MESD: variants seen among roughly 807,000 people sequenced by gnomAD.
The protein encoded by MESD is LRP chaperone MESD.
Under a neutral mutation model 12.9 loss-of-function variants are expected in MESD, and 7 were observed. That is an observed-to-expected ratio of 0.54 (90% CI 0.31 to 1.02). The LOEUF (loss-of-function observed/expected upper bound fraction) is 1.02. Ranked by LOEUF, MESD falls within the 50% of genes least tolerant of loss-of-function variation. MESD has a pLI of 0.05. For synonymous variants in MESD, 126 were observed against 115.6 expected, an observed-to-expected ratio of 1.09 and a Z score of -0.58; for missense variants, 342 against 296.7, an observed-to-expected ratio of 1.15 and a Z score of -1.12.
intron 3 of MESD, among the ~76,000 whole-genome samples, chr15:80,964,605 T>G (rs984502825): frequency 6.6e-5 from 10 of 152,210 alleles, no homozygotes; most frequent in Non-Finnish European, 1.5e-4. Flanking sequence ...ATGGCACTGT[T>G]GCCAAAACAG....
rs972550672 is a variant in MESD, at chr15:80,975,919, G to T, written c.*3300C>A. On this transcript the variant is annotated 3_prime_UTR_variant, in exon 3 of 3. Coordinates refer to ENST00000261758, the MANE Select transcript of MESD (RefSeq NM_015154.3). ...GTAGGTAGAGACTTCAGTGAGCCGTGATCCTACTGCACTCTAGTGAGGGCA... is the reference window on the plus strand; with the variant it reads ...GTAGGTAGAGACTTCAGTGAGCCGTTATCCTACTGCACTCTAGTGAGGGCA... 1 of 152,162 alleles carries T rather than the reference G, an allele frequency of 6.6e-6. No homozygotes were observed. The highest frequency in any genetic ancestry group is 6.5e-5 in the Admixed American group (1 of 15,282). 9.4% of individuals were successfully genotyped at this position (152,162 alleles called of 1,614,324 possible).
chr15:80,987,912 C>T (rs1337408053), intron 1 of MESD, among the ~76,000 whole-genome samples: 1 of 152,170 alleles, frequency 6.6e-6, no homozygotes, highest in East Asian at 1.9e-4. Context: ...ACTGCAAAGG[C>T]CAAGAGTTCA....
rs948290274 is a variant in MESD at position 80,979,153 on chromosome 15, C to A, written c.*66G>T. 5.2e-5 allele frequency: 81 copies of A among 1,559,444 alleles called. No individual in the cohort carries two copies. The highest frequency in any genetic ancestry group is 6.6e-5 in the Non-Finnish European group (76 of 1,154,058). The stretch of plus-strand genomic sequence containing the variant: ...TGCAGTTGCCTGAGACCACTCCCAC[C>A]CCAGGAGCTGGGCAAAGAGCTCTCC... On this transcript the variant is annotated 3_prime_UTR_variant, in exon 3 of 3. Coordinates refer to ENST00000261758, the MANE Select transcript of MESD (RefSeq NM_015154.3).
At chr15:80,985,432 T>A (rs141087828) in intron 1 of MESD, among the ~76,000 whole-genome samples, 32 of 152,242 alleles carry the variant, frequency 2.1e-4, no homozygotes, top group Admixed American at 7.8e-4. Context: ...AATCACTGCA[T>A]GGAAATTATA....
Position 80,989,594 on chromosome 15 carries a change from A to G in MESD, c.198T>C (p.Leu66=), listed in dbSNP as rs1893241966. 6.2e-7 allele frequency: 1 copy of G among 1,613,400 alleles called. No individual in the cohort carries two copies. Among genetic ancestry groups the G allele is most frequent in the Non-Finnish European group, 8.5e-7 (1 of 1,179,680 alleles). Residue 66 remains leucine (L), a synonymous_variant, in exon 1 of 3, where the codon CTT becomes CTC. Coordinates refer to ENST00000261758, the MANE Select transcript of MESD (RefSeq NM_015154.3). ...CGCCGCGGACCTCCCATTGCTCCAG[A>G]AGACGCGCCATGTCTGCATCATTGT... The part of the protein sequence containing the change: ...RDYNDADMAR[L]LEQWEKDDDI...
At chr15:80,955,766 C>T (rs1567118671) in intron 3 of MESD, among the ~76,000 whole-genome samples, 1 of 151,432 alleles carries the variant, frequency 6.6e-6, no homozygotes, top group Non-Finnish European at 1.5e-5. Context: ...GATTACAGGC[C>T]TGAGCCACCA....
chr15:80,970,442 T>G (rs903482858), intron 3 of MESD: 1 of 152,204 alleles, frequency 6.6e-6, no homozygotes, highest in Non-Finnish European at 1.5e-5. Flanking sequence ...GCAAATCCCC[T>G]TCCCTCTGGG....
chr15:80,952,622 G>A (rs1319728145), intron 3 of MESD, among the ~76,000 whole-genome samples: 1 of 151,922 alleles, frequency 6.6e-6, no homozygotes, highest in Non-Finnish European at 1.5e-5. Context: ...TGTCTCGTGT[G>A]TGTGTGTGTG....
At chr15:80,958,956 T>G (rs1375743489) in intron 3 of MESD, among the ~76,000 whole-genome samples, 2 of 152,186 alleles carry the variant, frequency 1.3e-5, no homozygotes, top group Non-Finnish European at 2.9e-5. Context: ...GGAGAGTCAT[T>G]GAAGGGGAGA....
chr15:80,973,521 A>G (rs1012165964), downstream of MESD, among the ~76,000 whole-genome samples: 7 of 152,174 alleles, frequency 4.6e-5, no homozygotes, highest in African/African-American at 1.7e-4. Context: ...TCTTGGCAAC[A>G]GAGGCCCTGT....
rs114334001 is a variant in MESD at position 80,955,008 on chromosome 15, C to A, written c.*289-2712G>T. On this transcript the variant is annotated intron_variant, in intron 3 of 4. Transcript: ENST00000561312. ...CATGGGCCAATGGCATCAGCATCAT[C>A]AGCATCAGCTGGGGGAGGTGGTTCA... Among the ~76,000 whole-genome samples, 1,113 of 152,194 alleles carry A rather than the reference C, an allele frequency of 7.3e-3. 15 individuals carry two copies. Among genetic ancestry groups the A allele is most frequent in the African/African-American group, 0.026 (1,065 of 41,514 alleles).
chr15:80,966,512 C>T (rs1209062510), intron 3 of MESD, among the ~76,000 whole-genome samples: 3 of 152,182 alleles, frequency 2.0e-5, no homozygotes, highest in Admixed American at 6.5e-5. Flanking sequence ...GAGAGCTCAA[C>T]GGGCCCAGTG....
chr15:80,973,710 G>A (rs761981848), downstream of MESD, among the ~76,000 whole-genome samples: 1 of 151,898 alleles, frequency 6.6e-6, no homozygotes, highest in Non-Finnish European at 1.5e-5. Context: ...TCACCCCCTC[G>A]ACAGATCCTG....
intron 3 of MESD, among the ~76,000 whole-genome samples, chr15:80,969,502 CT>C (rs1902241676): frequency 6.6e-6 from 1 of 152,020 alleles, no homozygotes; most frequent in African/African-American, 2.4e-5. Flanking sequence ...AGCAGCCCCT[CT>C]CCCAAGCAGA....
intron 3 of MESD, among the ~76,000 whole-genome samples, chr15:80,963,031 A>T (rs1188992545): frequency 6.6e-6 from 1 of 152,238 alleles, no homozygotes; most frequent in African/African-American, 2.4e-5. Flanking sequence ...CTTCAAAAAA[A>T]TCAGTGAATC....
At chr15:80,964,061 T>C (rs1484109992) in intron 3 of MESD, among the ~76,000 whole-genome samples, 2 of 152,206 alleles carry the variant, frequency 1.3e-5, no homozygotes, top group African/African-American at 2.4e-5. Context: ...GATGACATGA[T>C]TGTATATCTA....
At chr15:80,967,527 A>T (rs150661833) in intron 3 of MESD, among the ~76,000 whole-genome samples, 4 of 152,288 alleles carry the variant, frequency 2.6e-5, no homozygotes, top group Non-Finnish European at 4.4e-5. Context: ...GCCCAGGGAA[A>T]GCAAGTATGG....
chr15:80,982,878 C>T (rs951638555), intron 1 of MESD, among the ~76,000 whole-genome samples: 2 of 151,880 alleles, frequency 1.3e-5, no homozygotes, highest in East Asian at 1.9e-4. Context: ...GCCAGGAGTT[C>T]GACATCAGCC....
At chr15:80,968,359 G>A (rs1247400344) in intron 3 of MESD, among the ~76,000 whole-genome samples, 1 of 152,230 alleles carries the variant, frequency 6.6e-6, no homozygotes, top group Non-Finnish European at 1.5e-5. Context: ...TCAAGCCACA[G>A]TGAAAACTGC....
Sources: gnomAD v4.1 joint callset for allele counts (sites outside exome capture counted in the v4.1 genomes callset) on GRCh38, gnomAD v4.1.1 for gene constraint, MANE v1.5 for transcripts, NCBI Gene and HGNC (gene_info 2026-07-23, HGNC 2026-07-21) for gene names.